The following SEC24A variants were observed in gnomAD, a reference collection of about 807,000 sequenced individuals.
SEC24A encodes the protein protein transport protein Sec24A.
A neutral mutation model predicts 129.4 loss-of-function variants in SEC24A; 93 were observed. The ratio of observed to expected loss-of-function variants is 0.72; its 90% CI spans 0.61 to 0.85. SEC24A has a LOEUF of 0.85. Ranked by LOEUF, SEC24A falls within the 40% of genes least tolerant of loss-of-function variation. The pLI, the probability that SEC24A is intolerant of heterozygous loss-of-function variation, is 0.00. For synonymous variants in SEC24A, 460 were observed against 467.3 expected (o/e 0.98, Z 0.20); for missense variants, 1,264 against 1,307.4 (o/e 0.97, Z 0.51).
chr5:134,666,908 C>A lies in SEC24A; in HGVS notation c.651C>A (p.Gly217=), dbSNP rs532518817. ...GAPHGPPPAG[G]PPPVRALTPL... ...CTCATGGGCCCCCTCCAGCTGGAGG[C>A]CCACCCCCAGTGAGGGCCCTCACGC... Residue 217 remains glycine (G), a synonymous_variant, in exon 3 of 23, where the codon GGC becomes GGA. Coordinates refer to ENST00000398844, the MANE Select transcript of SEC24A (RefSeq NM_021982.3). 7.4e-6 allele frequency: 12 copies of A among 1,612,006 alleles called. No homozygotes were observed. The highest frequency in any genetic ancestry group is 1.0e-5 in the Non-Finnish European group (12 of 1,178,146).
intron 7 of SEC24A, among the ~76,000 whole-genome samples, chr5:134,678,603 T>C (rs1445974054): frequency 6.6e-6 from 1 of 151,776 alleles, no homozygotes; most frequent in Non-Finnish European, 1.5e-5. Context: ...ATTTCCAAGA[T>C]GGAGTCTTGC....
intron 3 of SEC24A, among the ~76,000 whole-genome samples, chr5:134,669,229 C>T (rs1264334553): frequency 2.0e-5 from 3 of 150,718 alleles, no homozygotes; most frequent in East Asian, 2.0e-4. Context: ...TGCAATGGTG[C>T]GATCTCGGCT....
At chr5:134,702,747 GT>G (rs903801199) in intron 15 of SEC24A, among the ~76,000 whole-genome samples, 1 of 151,958 alleles carries the variant, frequency 6.6e-6, no homozygotes, top group Admixed American at 6.6e-5. Context: ...TCACAGTTTA[GT>G]TTTTGTTTGT....
chr5:134,696,955 A>C (rs1051372039), intron 13 of SEC24A, among the ~76,000 whole-genome samples, 171 bp from the exon 14 acceptor site: 3 of 152,142 alleles, frequency 2.0e-5, no homozygotes, highest in African/African-American at 2.4e-5. Context: ...CCTAAGCAGT[A>C]CTTGCTTCTT....
At chr5:134,682,597 AC>A in intron 9 of SEC24A, 115 bp downstream of exon 9, 1 of 553,616 alleles carries the variant, frequency 1.8e-6, no homozygotes, top group Non-Finnish European at 3.2e-6. Flanking sequence ...ACAGAGTTTC[AC>A]TCTCATTGCC....
intron 18 of SEC24A, among the ~76,000 whole-genome samples, chr5:134,713,250 G>T (rs1313214077): frequency 6.6e-6 from 1 of 151,992 alleles, no homozygotes; most frequent in East Asian, 1.9e-4. Flanking sequence ...AAATTTTGAC[G>T]TTTAAAAATC....
chr5:134,710,463 C>A (rs1737363454), intron 18 of SEC24A, among the ~76,000 whole-genome samples: 1 of 152,094 alleles, frequency 6.6e-6, no homozygotes, highest in Admixed American at 6.6e-5. Context: ...TAACGCCCAA[C>A]CTCAGGTGAT....
chr5:134,686,762 GTAC>G (rs2150091730), intron 9 of SEC24A, 25 bp from the exon 10 acceptor site: 1 of 1,316,210 alleles, frequency 7.6e-7, no homozygotes, highest in African/African-American at 1.5e-5. Flanking sequence ...CCTGTTAAAT[GTAC>G]TTAACAAGAT....
At chr5:134,672,791 A>C (rs151029045) in intron 4 of SEC24A, among the ~76,000 whole-genome samples, 2,036 of 151,580 alleles carry the variant, frequency 0.013, 25 homozygotes, top group Middle Eastern at 0.024. Flanking sequence ...GCTCAAGTGC[A>C]GTAGCACTGT....
chr5:134,666,723 T>G, intron 2 of SEC24A, 100 bp from the exon 3 acceptor site: 1 of 903,720 alleles, frequency 1.1e-6, no homozygotes, highest in Admixed American at 2.2e-5. Context: ...TTATTATAAT[T>G]TAAATGTAAG....
chr5:134,661,346 C>T lies in SEC24A; in HGVS notation c.325C>T (p.Pro109Ser). The T allele has an allele frequency of 6.2e-7, 1 of 1,614,178 alleles. No individual in the cohort carries two copies. Among genetic ancestry groups the T allele is most frequent in the Non-Finnish European group, 8.5e-7 (1 of 1,180,036 alleles). The change falls in exon 2 of 23, where the codon CCA becomes TCA. Residue 109 changes from proline to serine, a missense_variant. Physicochemically the swap from Pro to Ser is moderately conservative, Grantham distance 74. Transcript: ENST00000398844. ...TCATAGTGGTCCTGCTCCCCGAATGCCATTACCTGCTTCTCAGAACCCAGC... is the reference window on the plus strand; with the variant it reads ...TCATAGTGGTCCTGCTCCCCGAATGTCATTACCTGCTTCTCAGAACCCAGC... Reference protein sequence around the residue: ...SLHSGPAPRMPLPASQNPATT... With the variant: ...SLHSGPAPRMSLPASQNPATT...
In SEC24A at chr5:134,693,660, G is replaced by A. The variant is rs1161917078; in HGVS notation, c.1780-67G>A. The A allele has an allele frequency of 2.5e-6, 4 of 1,570,334 alleles. No individual in the cohort carries two copies. The African/African-American group carries it at 5.4e-5, about 21-fold the overall frequency. ...ACTCAATGTCTTGTCTATTGTATGA[G>A]ATACTGACTTAATGTGAAATAAAAT... On this transcript the variant is annotated intron_variant, in intron 12 of 22. Transcript: ENST00000398844.
At position 134,698,062 on chromosome 5, in the gene SEC24A, G is replaced by C. The variant is rs1283894681; in HGVS notation, c.2266+5G>C. 6.2e-7 allele frequency: 1 copy of C among 1,601,046 alleles called. No individual in the cohort carries two copies. Among genetic ancestry groups the C allele is most frequent in the Non-Finnish European group, 8.5e-7 (1 of 1,176,398 alleles). On this transcript the variant is annotated splice_donor_5th_base_variant and intron_variant, in intron 15 of 22. Coordinates refer to ENST00000398844, the MANE Select transcript of SEC24A (RefSeq NM_021982.3). ...TGAGGATTCGGTGCACCAAAGGTAG[G>C]AATATTTTTTTTTTGCGTAGGACTG...
chr5:134,650,174 A>G (rs1749997884), intron 1 of SEC24A, among the ~76,000 whole-genome samples: 1 of 152,184 alleles, frequency 6.6e-6, no homozygotes, highest in African/African-American at 2.4e-5. Context: ...TGAGTAGGCA[A>G]CTATGTGGGC....
At chr5:134,703,209 A>G (rs1752054405) in intron 15 of SEC24A, among the ~76,000 whole-genome samples, 1 of 152,176 alleles carries the variant, frequency 6.6e-6, no homozygotes, top group Admixed American at 6.5e-5. Flanking sequence ...TGGGATTGCT[A>G]AAGTCAAAAT....
chr5:134,686,042 G>A (rs201091340), intron 9 of SEC24A, among the ~76,000 whole-genome samples: 1 of 152,092 alleles, frequency 6.6e-6, no homozygotes, highest in South Asian at 2.1e-4. Context: ...GCTGTAATTT[G>A]TTGTTTAAAT....
intron 15 of SEC24A, among the ~76,000 whole-genome samples, chr5:134,700,697 TTTTA>T (rs947756559): frequency 4.6e-5 from 7 of 151,486 alleles, no homozygotes; most frequent in Non-Finnish European, 8.8e-5. Context: ...TTCTAATAGT[TTTTA>T]TTTATTTATT....
intron 3 of SEC24A, 37 bp from the exon 4 acceptor site, chr5:134,671,772 T>C (rs762465739): frequency 9.8e-6 from 12 of 1,230,606 alleles, no homozygotes; most frequent in Admixed American, 2.2e-5. Context: ...GTAATAATCA[T>C]TCTAATTAAA....
chr5:134,686,699 C>T, intron 9 of SEC24A, 91 bp from the exon 10 acceptor site: 1 of 644,880 alleles, frequency 1.6e-6, no homozygotes, highest in Non-Finnish European at 2.6e-6. Flanking sequence ...GTAAATAATG[C>T]TTTTTAAATT....
Sources: allele counts gnomAD v4.1 joint callset (sites outside exome capture counted in the v4.1 genomes callset), GRCh38; gene constraint gnomAD v4.1.1; transcripts MANE v1.5; gene names NCBI Gene and HGNC (gene_info 2026-07-23, HGNC 2026-07-21).